MEGF9: variants seen among roughly 807,000 people sequenced by gnomAD.
MEGF9 encodes multiple epidermal growth factor-like domains protein 9.
MEGF9 carries 6 observed loss-of-function variants against 46.8 expected under a neutral mutation model. The ratio of observed to expected loss-of-function variants is 0.13; its 90% CI spans 0.07 to 0.25. The LOEUF (loss-of-function observed/expected upper bound fraction) is 0.25. MEGF9 is among the 10% of genes least tolerant of loss of function. The pLI is 1.00. For synonymous variants in MEGF9, 302 were observed against 330.7 expected (o/e 0.91, Z 0.94); for missense variants, 683 against 792.4 (o/e 0.86, Z 1.66).
chr9:120,683,055 A>G (rs1564427213), intron 1 of MEGF9, among the ~76,000 whole-genome samples: 1 of 152,194 alleles, frequency 6.6e-6, no homozygotes, highest in Non-Finnish European at 1.5e-5. Context: ...GAATAGGAGA[A>G]TATACATATT....
intron 2 of MEGF9, among the ~76,000 whole-genome samples, chr9:120,655,937 T>C (rs972631896): frequency 6.6e-6 from 1 of 152,228 alleles, no homozygotes; most frequent in Admixed American, 6.5e-5. Context: ...TTATTTTGTT[T>C]AAAATGCAGT....
intron 1 of MEGF9, among the ~76,000 whole-genome samples, chr9:120,700,948 T>TA (rs1289308704): frequency 1.3e-5 from 2 of 150,566 alleles, no homozygotes; most frequent in African/African-American, 2.4e-5. Context: ...ATAATTAATT[T>TA]AAAAAATTAG....
At chr9:120,672,916 G>A (rs1475879340) in intron 1 of MEGF9, among the ~76,000 whole-genome samples, 15 of 152,094 alleles carry the variant, frequency 9.9e-5, no homozygotes, top group South Asian at 4.1e-4. Flanking sequence ...CCAGCTACTC[G>A]GGAGACTGAG....
intron 2 of MEGF9, among the ~76,000 whole-genome samples, chr9:120,652,181 CAAAAAA>C (rs869214058): frequency 1.1e-4 from 1 of 9,094 alleles, no homozygotes; most frequent in African/African-American, 4.0e-4. Flanking sequence ...CACACACACA[CAAAAAA>C]AAAAAAAAAA....
chr9:120,640,082 A>C lies in MEGF9; in HGVS notation c.804-17327T>G, dbSNP rs114223189. On this transcript the variant is annotated intron_variant, in intron 2 of 5. Transcript: ENST00000373930. ...GATTACTATAGCTTTACCTCTCTCC[A>C]ATGTTTCTGTATAAAAACTTTGGAA... Among the ~76,000 whole-genome samples the C allele has an allele frequency of 7.7e-3, 1,169 of 152,280 alleles. 19 individuals carry two copies. Among genetic ancestry groups the C allele is most frequent in the African/African-American group, 0.027 (1,111 of 41,540 alleles).
chr9:120,614,562 T>A (rs2043463014), intron 3 of MEGF9, among the ~76,000 whole-genome samples: 1 of 152,166 alleles, frequency 6.6e-6, no homozygotes, highest in South Asian at 2.1e-4. Context: ...TAGCTATGTA[T>A]CTTTGTGACA....
intron 1 of MEGF9, among the ~76,000 whole-genome samples, chr9:120,673,413 A>G (rs2043758835): frequency 6.6e-6 from 1 of 152,170 alleles, no homozygotes; most frequent in African/African-American, 2.4e-5. Context: ...ATTGATTTCA[A>G]GACTTACTAT....
chr9:120,712,302 T>C (rs1402702748), intron 1 of MEGF9, among the ~76,000 whole-genome samples: 1 of 152,130 alleles, frequency 6.6e-6, no homozygotes, highest in African/African-American at 2.4e-5. Context: ...AGCAACCTTA[T>C]GAGTTAAGTA....
chr9:120,658,377 A>G (rs535895090), intron 2 of MEGF9, among the ~76,000 whole-genome samples: 1 of 152,372 alleles, frequency 6.6e-6, no homozygotes, highest in Non-Finnish European at 1.5e-5. Flanking sequence ...TTAGTGCTAA[A>G]GTATAAAGCA....
chr9:120,686,485 A>G (rs2043822812), intron 1 of MEGF9, among the ~76,000 whole-genome samples: 1 of 152,238 alleles, frequency 6.6e-6, no homozygotes, highest in Admixed American at 6.5e-5. Context: ...TGTACACTTA[A>G]AAATGGTTAC....
chr9:120,703,653 C>A (rs902090546), intron 1 of MEGF9, among the ~76,000 whole-genome samples: 1 of 152,112 alleles, frequency 6.6e-6, no homozygotes, highest in Non-Finnish European at 1.5e-5. Context: ...AGTAGTACAA[C>A]TGAAATAGCA....
At chr9:120,618,824 C>T (rs957991650) in intron 3 of MEGF9, among the ~76,000 whole-genome samples, 1 of 150,634 alleles carries the variant, frequency 6.6e-6, no homozygotes, top group Non-Finnish European at 1.5e-5. Context: ...CGCTTGAACC[C>T]GGGAGCCAGA....
At chr9:120,669,133 C>G (rs73535938) in intron 1 of MEGF9, among the ~76,000 whole-genome samples, 8,892 of 151,926 alleles carry the variant, frequency 0.059, 860 homozygotes, top group African/African-American at 0.2. Context: ...TTTTAATTGA[C>G]CCACTGGTAT....
chr9:120,628,465 GTTGTTTT>G (rs1465325614), intron 2 of MEGF9, among the ~76,000 whole-genome samples: 1 of 52,756 alleles, frequency 1.9e-5, no homozygotes, highest in African/African-American at 5.5e-5. Flanking sequence ...AATTCTTGTC[GTTGTTTT>G]TTTTTTTTTT....
chr9:120,612,457 G>A lies in MEGF9; in HGVS notation c.1026C>T (p.Ala342=). Reference sequence around the variant, plus strand: ...AAGGGCAGCGAAGACATTCTTTAGTGGCATCAGGACTCTGATAAAATCCTT... The same window carrying A: ...AAGGGCAGCGAAGACATTCTTTAGTAGCATCAGGACTCTGATAAAATCCTT... ...CKEGFYQSPD[A]TKECLRCPCS... Residue 342 remains alanine, a synonymous_variant, in exon 4 of 6, where the codon GCC becomes GCT. Coordinates refer to ENST00000373930, the MANE Select transcript of MEGF9 (RefSeq NM_001080497.3). The A allele has an allele frequency of 6.2e-7, 1 of 1,613,514 alleles. No individual in the cohort carries two copies. The highest frequency in any genetic ancestry group is 1.1e-5 in the South Asian group (1 of 91,044).
At chr9:120,659,672 A>T in intron 1 of MEGF9, 97 bp from the exon 2 acceptor site, 1 of 1,027,542 alleles carries the variant, frequency 9.7e-7, no homozygotes, top group Non-Finnish European at 1.4e-6. Context: ...AATTTTCATG[A>T]CAACTTTGTA....
intron 2 of MEGF9, among the ~76,000 whole-genome samples, chr9:120,655,465 G>C (rs1387506290): frequency 6.6e-6 from 1 of 152,110 alleles, no homozygotes. Flanking sequence ...ATGATGCTGT[G>C]TGACAATGAA....
At chr9:120,646,855 A>C (rs1205929779) in intron 2 of MEGF9, among the ~76,000 whole-genome samples, 2 of 152,208 alleles carry the variant, frequency 1.3e-5, no homozygotes, top group Admixed American at 6.5e-5. Context: ...ATAATACCAA[A>C]TACTGCATTT....
chr9:120,638,689 T>C (rs756708097), intron 2 of MEGF9, among the ~76,000 whole-genome samples: 5 of 152,372 alleles, frequency 3.3e-5, no homozygotes, highest in Non-Finnish European at 7.3e-5. Flanking sequence ...TTTTTGCCAA[T>C]CTGGCACCTT....
Sources: allele counts gnomAD v4.1 joint callset (sites outside exome capture counted in the v4.1 genomes callset), GRCh38; gene constraint gnomAD v4.1.1; transcripts MANE v1.5; gene names NCBI Gene and HGNC (gene_info 2026-07-23, HGNC 2026-07-21).